The following CD6 variants were observed in gnomAD, a reference collection of about 807,000 sequenced individuals.
CD6 encodes CD6 molecule.
CD6 carries 53 observed loss-of-function variants against 75.3 expected under a neutral mutation model. That is an observed-to-expected ratio of 0.70 (90% CI 0.56 to 0.88). CD6 has a LOEUF of 0.88. Among genes scored for constraint, CD6 ranks in the 40% least tolerant of loss-of-function variants. The pLI is 0.00. For missense variants in CD6, 770 were observed against 897.1 expected, an observed-to-expected ratio of 0.86 and a Z score of 1.81; for synonymous variants, 359 against 381.5, an observed-to-expected ratio of 0.94 and a Z score of 0.69.
chr11:61,016,040 A>G (rs972882598), intron 9 of CD6, among the ~76,000 whole-genome samples: 17 of 152,194 alleles, frequency 1.1e-4, no homozygotes, highest in Non-Finnish European at 2.4e-4. Flanking sequence ...TCGATGTCTC[A>G]GGACATCTCC....
intron 1 of CD6, among the ~76,000 whole-genome samples, chr11:60,999,290 C>T (rs529381406): frequency 1.3e-5 from 2 of 150,648 alleles, no homozygotes; most frequent in East Asian, 1.9e-4. Flanking sequence ...CAAGGCACTG[C>T]GCAAGGTCCT....
At chr11:60,995,556 A>T (rs1196817448) in intron 1 of CD6, among the ~76,000 whole-genome samples, 2 of 152,210 alleles carry the variant, frequency 1.3e-5, no homozygotes, top group African/African-American at 4.8e-5. Flanking sequence ...AATAGTTAGG[A>T]CAGTTCCAGC....
intron 1 of CD6, chr11:60,984,936 T>A (rs907355303): frequency 6.6e-5 from 10 of 152,316 alleles, no homozygotes; most frequent in African/African-American, 2.2e-4. Flanking sequence ...TTGGAATTAA[T>A]CCAAGGGAAA....
In CD6 at chr11:61,018,413, G is replaced by A. The variant is rs1235418859; in HGVS notation, c.1942+20G>A. ...GTCCAGGTGCCAATATCTGGGGAAG[G>A]GATGTGGGAGGGGGACAGAGAGGGA... On this transcript the variant is annotated intron_variant, in intron 12 of 12. Coordinates refer to ENST00000313421, the MANE Select transcript of CD6 (RefSeq NM_006725.5). 2 of 1,546,188 alleles carry A rather than the reference G, an allele frequency of 1.3e-6. No homozygotes were observed. Among genetic ancestry groups the A allele is most frequent in the Non-Finnish European group, 1.8e-6 (2 of 1,134,876 alleles).
intron 1 of CD6, chr11:61,004,703 G>C (rs1445988964): frequency 2.0e-5 from 3 of 152,268 alleles, no homozygotes; most frequent in African/African-American, 7.2e-5. Flanking sequence ...GCCGGACTAG[G>C]CAAGGCTGTA....
chr11:60,981,147 C>A (rs1857545555), intron 1 of CD6, among the ~76,000 whole-genome samples: 1 of 152,230 alleles, frequency 6.6e-6, no homozygotes, highest in Non-Finnish European at 1.5e-5. Flanking sequence ...ACAAGGATCA[C>A]GTCCTCCAGT....
At chr11:61,002,444 C>T (rs1207260012) in intron 1 of CD6, among the ~76,000 whole-genome samples, 1 of 152,002 alleles carries the variant, frequency 6.6e-6, no homozygotes, top group Non-Finnish European at 1.5e-5. Flanking sequence ...GTAATCCCAG[C>T]AACTTGGGAG....
intron 1 of CD6, among the ~76,000 whole-genome samples, chr11:60,976,300 C>T (rs954648853): frequency 6.6e-6 from 1 of 152,106 alleles, no homozygotes; most frequent in Non-Finnish European, 1.5e-5. Context: ...GTTATTAAAG[C>T]GAATATCAAG....
At position 61,018,323 on chromosome 11, in the gene CD6, A is replaced by C. The variant is rs1859521447; in HGVS notation, c.1872A>C (p.Ser624=). The C allele has an allele frequency of 6.2e-7, 1 of 1,608,400 alleles. No homozygotes were observed. Among genetic ancestry groups the C allele is most frequent in the South Asian group, 1.1e-5 (1 of 89,714 alleles). ...GPPADDSSST[S]SGEWYQNFQP... Reference sequence around the variant, plus strand: ...CGGCTGATGACAGCTCCAGCACCTCATCCGGGGAGTGGTACCAGAACTTCC... The same window carrying C: ...CGGCTGATGACAGCTCCAGCACCTCCTCCGGGGAGTGGTACCAGAACTTCC... Residue 624 remains serine, a synonymous_variant, in exon 12 of 13, where the codon TCA becomes TCC. Coordinates refer to ENST00000313421, the MANE Select transcript of CD6 (RefSeq NM_006725.5).
intron 1 of CD6, among the ~76,000 whole-genome samples, chr11:60,981,931 CT>C (rs968189477): frequency 2.6e-5 from 4 of 151,978 alleles, no homozygotes; most frequent in African/African-American, 9.7e-5. Flanking sequence ...AAGGGTGCCC[CT>C]GGGTCTCCAC....
rs150564517 is a variant in CD6, at chr11:61,018,178, A to G, written c.1838-111A>G. The G allele has an allele frequency of 3.0e-5, 39 of 1,297,226 alleles. No homozygotes were observed. In the East Asian group the frequency reaches 9.5e-4, roughly 32 times the overall value. 80.4% of individuals were successfully genotyped at this position (1,297,226 alleles called of 1,614,324 possible). A position where few individuals can be genotyped will look rare whatever the true frequency, so the allele number is the denominator to read the frequency against. Reference sequence around the variant, plus strand: ...CCCATCTCTGGGCCTTCACTTTGTCATTTGCCAAGCTAGGGACTTGGCTCT... The same window carrying G: ...CCCATCTCTGGGCCTTCACTTTGTCGTTTGCCAAGCTAGGGACTTGGCTCT... On this transcript the variant is annotated intron_variant, in intron 11 of 12. Coordinates refer to ENST00000313421, the MANE Select transcript of CD6 (RefSeq NM_006725.5).
At chr11:60,999,848 A>T (rs752958687) in intron 1 of CD6, among the ~76,000 whole-genome samples, 5 of 152,014 alleles carry the variant, frequency 3.3e-5, no homozygotes, top group Non-Finnish European at 5.9e-5. Flanking sequence ...GGCGTTCGAG[A>T]TCAGCATGGC....
In CD6 at chr11:61,019,447, G is replaced by A. The variant is rs1046760013; in HGVS notation, c.*129G>A. ...GCTGAGAGGCCTCCCTTGGAGAGAT[G>A]GAAGGAAACGTTATACCTTGTACCC... On this transcript the variant is annotated 3_prime_UTR_variant, in exon 13 of 13. Coordinates refer to ENST00000313421, the MANE Select transcript of CD6 (RefSeq NM_006725.5). 160 of 660,266 alleles carry A rather than the reference G, an allele frequency of 2.4e-4. No homozygotes were observed. Among genetic ancestry groups the A allele is most frequent in the Non-Finnish European group, 3.3e-4 (130 of 398,448 alleles). The allele number at this position is 660,266 out of a possible 1,614,324, so 40.9% of individuals were successfully genotyped here.
chr11:60,975,086 TTTG>T (rs1386122783), intron 1 of CD6, among the ~76,000 whole-genome samples: 6 of 148,984 alleles, frequency 4.0e-5, no homozygotes, highest in African/African-American at 1.5e-4. Context: ...TTTTTAATAA[TTTG>T]TTTTTTCTTA....
Position 61,010,524 on chromosome 11 carries a change from A to G in CD6, c.1085-546A>G, listed in dbSNP as rs539766705. 2.0e-5 allele frequency among the ~76,000 whole-genome samples: 3 copies of G among 152,340 alleles called. No homozygotes were observed. In the South Asian group the frequency reaches 6.2e-4, roughly 32 times the overall value. ...AACATGGTATTTGCATTCTTACGGC[A>G]TTCAGACACCAGATTACAAATTCCA... is the stretch of plus-strand genomic sequence containing the variant. On this transcript the variant is annotated intron_variant, in intron 5 of 12. Coordinates refer to ENST00000313421, the MANE Select transcript of CD6 (RefSeq NM_006725.5).
intron 7 of CD6, 44 bp from the exon 8 acceptor site, chr11:61,013,875 G>A: frequency 7.1e-7 from 1 of 1,417,296 alleles, no homozygotes; most frequent in South Asian, 1.3e-5. Context: ...GACTGGGAGA[G>A]GGCAAAAAAA....
chr11:61,003,969 GCAGCTGCTGC>G (rs1858720568), intron 1 of CD6, among the ~76,000 whole-genome samples: 1 of 77,514 alleles, frequency 1.3e-5, no homozygotes, highest in Non-Finnish European at 2.6e-5. Context: ...CTTGGAGCTG[GCAGCTGCTGC>G]TCATTCATTC....
chr11:61,003,457 G>C (rs1051402266), intron 1 of CD6, among the ~76,000 whole-genome samples: 1 of 152,202 alleles, frequency 6.6e-6, no homozygotes, highest in African/African-American at 2.4e-5. Flanking sequence ...AATGGGCCGG[G>C]TGTGGTGGCT....
intron 1 of CD6, chr11:60,988,010 C>T: frequency 6.6e-6 from 1 of 152,446 alleles, no homozygotes; most frequent in Non-Finnish European, 1.5e-5. Context: ...GGACTTTGAG[C>T]CGCCTCAGAA....
Sources: gnomAD v4.1 joint callset for allele counts (sites outside exome capture counted in the v4.1 genomes callset) on GRCh38, gnomAD v4.1.1 for gene constraint, MANE v1.5 for transcripts, NCBI Gene and HGNC (gene_info 2026-07-23, HGNC 2026-07-21) for gene names.